The following PLXDC2 variants were observed in gnomAD, a reference collection of about 807,000 sequenced individuals.
PLXDC2 encodes plexin domain containing 2, also known as plexin domain-containing protein 2.
PLXDC2 carries 40 observed loss-of-function variants against 68.9 expected under a neutral mutation model. The ratio of observed to expected loss-of-function variants is 0.58; its 90% CI spans 0.45 to 0.76. The LOEUF is 0.76. PLXDC2 is among the 30% of genes least tolerant of loss of function. The pLI, the probability that PLXDC2 is intolerant of heterozygous loss-of-function variation, is 0.00. For synonymous variants in PLXDC2, 243 were observed against 234.2 expected (o/e 1.04, Z -0.34); for missense variants, 644 against 661.9 (o/e 0.97, Z 0.30).
intron 12 of PLXDC2, among the ~76,000 whole-genome samples, chr10:20,232,102 T>C (rs1201697049): frequency 1.3e-5 from 2 of 152,298 alleles, no homozygotes; most frequent in South Asian, 2.1e-4. Flanking sequence ...AGTATGCTTA[T>C]ATTACAAAGG....
chr10:19,976,374 C>T (rs1208806309), intron 1 of PLXDC2, among the ~76,000 whole-genome samples: 3 of 152,032 alleles, frequency 2.0e-5, no homozygotes, highest in Non-Finnish European at 2.9e-5. Flanking sequence ...CCACCACACC[C>T]GGCTAATTTT....
intron 2 of PLXDC2, among the ~76,000 whole-genome samples, chr10:20,041,119 C>G (rs1192238972): frequency 6.6e-6 from 1 of 152,122 alleles, no homozygotes; most frequent in South Asian, 2.1e-4. Context: ...CATAGATAAC[C>G]ACATGCTGAA....
intron 9 of PLXDC2, among the ~76,000 whole-genome samples, chr10:20,181,252 A>C (rs1834599456): frequency 6.6e-6 from 1 of 152,028 alleles, no homozygotes; most frequent in East Asian, 1.9e-4. Context: ...TGTTCTTTGC[A>C]CTTAAAGTAT....
intron 1 of PLXDC2, among the ~76,000 whole-genome samples, chr10:19,886,416 G>T (rs1837846835): frequency 1.3e-5 from 2 of 152,210 alleles, no homozygotes; most frequent in Non-Finnish European, 2.9e-5. Flanking sequence ...ACATCAAAAA[G>T]CTTATCCACC....
rs529096454 is a variant in PLXDC2, at chr10:19,849,608, C to T, written c.112+32417C>T. Among the ~76,000 whole-genome samples the T allele has an allele frequency of 1.9e-4, 29 of 152,086 alleles. No individual in the cohort carries two copies. In the South Asian group the frequency reaches 5.4e-3, roughly 28 times the overall value. On this transcript the variant is annotated intron_variant, in intron 1 of 13. Coordinates refer to ENST00000377252, the MANE Select transcript of PLXDC2 (RefSeq NM_032812.9). ...GCTTGGCGCTTCTCCTTGCCACTGC[C>T]GTGTGAAGAAGGACATGTTTGCTTC...
At chr10:20,260,882 T>G (rs1268218562) in intron 13 of PLXDC2, among the ~76,000 whole-genome samples, 1 of 152,214 alleles carries the variant, frequency 6.6e-6, no homozygotes, top group Non-Finnish European at 1.5e-5. Flanking sequence ...TTCAATAATA[T>G]TCATCCTACA....
chr10:19,862,974 G>A (rs1275108833), intron 1 of PLXDC2, among the ~76,000 whole-genome samples: 1 of 152,130 alleles, frequency 6.6e-6, no homozygotes, highest in Non-Finnish European at 1.5e-5. Context: ...GAAGTAGCGT[G>A]TGTCTGTCTT....
chr10:19,846,912 A>G (rs550777368), intron 1 of PLXDC2, among the ~76,000 whole-genome samples: 2 of 152,298 alleles, frequency 1.3e-5, no homozygotes, highest in East Asian at 1.9e-4. Context: ...CAATCATGGC[A>G]GAAGGGAAAA....
intron 1 of PLXDC2, among the ~76,000 whole-genome samples, chr10:19,986,370 A>G (rs1834639556): frequency 6.6e-6 from 1 of 152,126 alleles, no homozygotes; most frequent in Non-Finnish European, 1.5e-5. Context: ...CTAAACAGGT[A>G]TTTTTGAAAA....
In PLXDC2 at chr10:20,273,942, G is replaced by A. The variant is rs575799504; in HGVS notation, c.1474-5761G>A. On this transcript the variant is annotated intron_variant, in intron 13 of 13. Transcript: ENST00000377252. The stretch of plus-strand genomic sequence containing the variant: ...TCGTCCCAGCTACTTAGGAGGCTGA[G>A]GGGGGAAGATCACTTGAGCCCAGGA... Among the ~76,000 whole-genome samples the A allele has an allele frequency of 2.0e-5, 3 of 152,134 alleles. No homozygotes were observed. In the East Asian group the frequency reaches 5.8e-4, roughly 29 times the overall value.
chr10:19,955,994 G>A (rs756795517), intron 1 of PLXDC2, among the ~76,000 whole-genome samples: 41 of 152,170 alleles, frequency 2.7e-4, no homozygotes, highest in Admixed American at 3.9e-4. Flanking sequence ...CAGGAGAATC[G>A]CTTGAATCCA....
At chr10:20,068,383 A>G (rs1836253463) in intron 4 of PLXDC2, 144 bp downstream of exon 4, 4 of 737,966 alleles carry the variant, frequency 5.4e-6, no homozygotes, top group Non-Finnish European at 8.5e-6. Flanking sequence ...AAATAAAACC[A>G]AAGAAAGGGT....
intron 1 of PLXDC2, among the ~76,000 whole-genome samples, chr10:19,965,405 G>A (rs898696268): frequency 2.0e-5 from 3 of 152,154 alleles, no homozygotes; most frequent in African/African-American, 7.2e-5. Flanking sequence ...CATTGAACAG[G>A]TGGATATGTG....
chr10:19,946,967 G>C (rs1049859019), intron 1 of PLXDC2, among the ~76,000 whole-genome samples: 1 of 152,078 alleles, frequency 6.6e-6, no homozygotes, highest in Non-Finnish European at 1.5e-5. Flanking sequence ...AACAAACCAC[G>C]GACCTATACT....
At chr10:19,883,114 G>A (rs996927392) in intron 1 of PLXDC2, among the ~76,000 whole-genome samples, 22 of 151,560 alleles carry the variant, frequency 1.5e-4, no homozygotes, top group African/African-American at 4.6e-4. Context: ...CCGCCACCAC[G>A]CCCGGCTAAT....
rs3051539 is a variant in PLXDC2, at chr10:20,253,370, G to GATAATAATAATA, written c.1473+7886_1473+7897dup. Reference sequence around the variant, plus strand: ...ACAGAGTGAGATTCTGTCTCAAAATGATAATAATAATAATAATAATAATAA... The same window carrying GATAATAATAATA: ...ACAGAGTGAGATTCTGTCTCAAAATGATAATAATAATAATAATAATAATAATAATAATAATAA... On this transcript the variant is annotated intron_variant, in intron 13 of 13. Transcript: ENST00000377252. Among the ~76,000 whole-genome samples the GATAATAATAATA allele has an allele frequency of 4.8e-3, 703 of 145,562 alleles. 7 individuals carry two copies. The highest frequency in any genetic ancestry group is 0.015 in the African/African-American group (609 of 39,676).
intron 1 of PLXDC2, among the ~76,000 whole-genome samples, chr10:19,826,380 A>G (rs1411263976): frequency 2.6e-5 from 4 of 152,198 alleles, no homozygotes; most frequent in Non-Finnish European, 4.4e-5. Context: ...GGAAACAAAA[A>G]TTGAACTAAG....
intron 1 of PLXDC2, among the ~76,000 whole-genome samples, chr10:19,941,873 G>C (rs1391788006): frequency 6.6e-6 from 1 of 151,280 alleles, no homozygotes; most frequent in Non-Finnish European, 1.5e-5. Flanking sequence ...ATCTCAGCGA[G>C]CTATTCAGTA....
chr10:20,180,235 A>C (rs1488549182), intron 9 of PLXDC2, among the ~76,000 whole-genome samples: 2 of 152,090 alleles, frequency 1.3e-5, no homozygotes, highest in Non-Finnish European at 2.9e-5. Flanking sequence ...ACTAAAAAAA[A>C]CTACAAGTTT....
Sources: gnomAD v4.1 joint callset for allele counts (sites outside exome capture counted in the v4.1 genomes callset) on GRCh38, gnomAD v4.1.1 for gene constraint, MANE v1.5 for transcripts, NCBI Gene and HGNC (gene_info 2026-07-23, HGNC 2026-07-21) for gene names.